Variants in SPTLC1 observed in about 807,000 individuals in gnomAD.
SPTLC1 encodes serine palmitoyltransferase 1.
A neutral mutation model predicts 68.9 loss-of-function variants in SPTLC1; 55 were observed. The ratio of observed to expected loss-of-function variants is 0.80; its 90% confidence interval spans 0.64 to 1.00. The LOEUF (loss-of-function observed/expected upper bound fraction) is 1.00, where lower values mean the gene tolerates loss of function less well. Among genes scored for constraint, SPTLC1 ranks in the 50% least tolerant of loss-of-function variants. The pLI is 0.00. For missense variants in SPTLC1, 449 were observed against 573.1 expected, an observed-to-expected ratio of 0.78 and a Z score of 2.21; for synonymous variants, 197 against 201.6, an observed-to-expected ratio of 0.98 and a Z score of 0.19.
chr9:92,037,099 C>T (rs184734531), intron 13 of SPTLC1, among the ~76,000 whole-genome samples: 7 of 152,138 alleles, frequency 4.6e-5, no homozygotes, highest in East Asian at 3.9e-4. Context: ...TTCCAGATTA[C>T]GTGGCTCAAA....
rs1765013758 is a variant in SPTLC1 at position 92,047,079 on chromosome 9, G to A, written c.1081+93C>T. 3 of 1,109,628 alleles carry A rather than the reference G, an allele frequency of 2.7e-6. No individual in the cohort carries two copies. In the African/African-American group the frequency reaches 4.6e-5, roughly 17 times the overall value. The allele number at this position is 1,109,628 out of a possible 1,614,324, so 68.7% of individuals were successfully genotyped here. ...TATAATGTAACTGCAAACCAGTTTTGTCTGGCAAATAATTTCTCCAGTAAG... is the reference window on the plus strand; with the variant it reads ...TATAATGTAACTGCAAACCAGTTTTATCTGGCAAATAATTTCTCCAGTAAG... On this transcript the variant is annotated intron_variant, in intron 11 of 14. Transcript: ENST00000262554.
chr9:92,084,941 G>T (rs1564106782), intron 3 of SPTLC1, among the ~76,000 whole-genome samples: 1 of 152,200 alleles, frequency 6.6e-6, no homozygotes, highest in Non-Finnish European at 1.5e-5. Context: ...TCTATTCAGA[G>T]ATTCAACTTC....
At chr9:92,072,233 C>T (rs1286198772) in intron 5 of SPTLC1, among the ~76,000 whole-genome samples, 1 of 152,220 alleles carries the variant, frequency 6.6e-6, no homozygotes, top group African/African-American at 2.4e-5. Flanking sequence ...ACCTCAGGAC[C>T]TCAGACCAGC....
chr9:92,034,945 G>A, intron 13 of SPTLC1, 62 bp from the exon 14 acceptor site: 1 of 1,342,610 alleles, frequency 7.4e-7, no homozygotes, highest in Non-Finnish European at 1.1e-6. Context: ...AATTAAACTG[G>A]GGGAACGCTG....
At chr9:92,045,334 A>G (rs1833469950) in intron 12 of SPTLC1, among the ~76,000 whole-genome samples, 1 of 151,550 alleles carries the variant, frequency 6.6e-6, no homozygotes, top group Non-Finnish European at 1.5e-5. Flanking sequence ...GCCTGGAGAT[A>G]TCACCAACCT....
At chr9:92,060,659 C>A (rs1266051721) in intron 6 of SPTLC1, among the ~76,000 whole-genome samples, 1 of 151,610 alleles carries the variant, frequency 6.6e-6, no homozygotes, top group African/African-American at 2.4e-5. Context: ...GTAATCCCAG[C>A]ACTTTGGGAG....
chr9:92,050,081 A>T lies in SPTLC1; in HGVS notation c.781-14T>A, dbSNP rs1403645809. ...TTTTAACTTAACCTAAGTGTTATATAAACGTTAAAATACTAATGATTAGCA... is the reference window on the plus strand; with the variant it reads ...TTTTAACTTAACCTAAGTGTTATATTAACGTTAAAATACTAATGATTAGCA... On this transcript the variant is annotated splice_polypyrimidine_tract_variant and intron_variant, in intron 8 of 14. Coordinates refer to ENST00000262554, the MANE Select transcript of SPTLC1 (RefSeq NM_006415.4). The T allele has an allele frequency of 1.3e-6, 2 of 1,504,206 alleles. No individual in the cohort carries two copies. Among genetic ancestry groups the T allele is most frequent in the Admixed American group, 3.3e-5 (2 of 59,894 alleles). 93.2% of individuals were successfully genotyped at this position (1,504,206 alleles called of 1,614,324 possible).
chr9:92,109,510 C>A (rs1162126825), intron 2 of SPTLC1: 1 of 152,328 alleles, frequency 6.6e-6, no homozygotes, highest in African/African-American at 2.4e-5. Context: ...TACCACAATC[C>A]TCTTAGGAGT....
rs369803886 is a variant in SPTLC1 at position 92,038,334 on chromosome 9, G to A, written c.1168C>T (p.Leu390Phe). The part of the protein sequence containing the change: ...ISGLKVVGES[L>F]SPAFHLQLEE... ...AGTTGTAGGTGAAAGGCTGGAGAAAGGGACTCCCCCACCACTTTTAATCCA... is the reference window on the plus strand; with the variant it reads ...AGTTGTAGGTGAAAGGCTGGAGAAAAGGACTCCCCCACCACTTTTAATCCA... The change falls in exon 13 of 15, where the codon CTT becomes TTT. Residue 390 changes from leucine (L) to phenylalanine (F), a missense_variant. Physicochemically the swap from Leu to Phe is conservative, Grantham distance 22. Transcript: ENST00000262554. 106 of 1,613,844 alleles carry A rather than the reference G, an allele frequency of 6.6e-5. No homozygotes were observed. Among genetic ancestry groups the A allele is most frequent in the Non-Finnish European group, 8.6e-5 (102 of 1,179,852 alleles).
At chr9:92,057,360 A>G (rs1317796133) in intron 7 of SPTLC1, among the ~76,000 whole-genome samples, 1 of 152,230 alleles carries the variant, frequency 6.6e-6, no homozygotes, top group Non-Finnish European at 1.5e-5. Flanking sequence ...CACCACAGGA[A>G]TGGGTCAAAG....
chr9:92,079,801 G>C, intron 5 of SPTLC1: 5 of 651,154 alleles, frequency 7.7e-6, no homozygotes, highest in Non-Finnish European at 1.4e-5. Flanking sequence ...ACACGAGGAT[G>C]AGCCCACCAT....
intron 6 of SPTLC1, 148 bp from the exon 7 acceptor site, chr9:92,059,456 CATT>C (rs1434266581): frequency 1.2e-6 from 1 of 834,584 alleles, no homozygotes; most frequent in Non-Finnish European, 2.0e-6. Flanking sequence ...ATTTATACAT[CATT>C]GTTTGCTCTT....
intron 13 of SPTLC1, 23 bp from the exon 14 acceptor site, chr9:92,034,906 T>A: frequency 6.2e-7 from 1 of 1,600,682 alleles, no homozygotes; most frequent in South Asian, 1.1e-5. Flanking sequence ...AAAGAAGACA[T>A]CTGCAACCTG....
At chr9:92,106,362 T>C (rs1169449828) in intron 3 of SPTLC1, among the ~76,000 whole-genome samples, 1 of 151,214 alleles carries the variant, frequency 6.6e-6, no homozygotes, top group Non-Finnish European at 1.5e-5. Flanking sequence ...TAGTCTCAGC[T>C]ACTCGAGAGG....
chr9:92,082,243 T>C (rs900506650), intron 3 of SPTLC1, among the ~76,000 whole-genome samples: 1 of 152,094 alleles, frequency 6.6e-6, no homozygotes, highest in African/African-American at 2.4e-5. Context: ...TTTTATTTTA[T>C]TTTATTATTA....
At chr9:92,109,370 T>G (rs1406134535) in intron 2 of SPTLC1, 3 of 164,456 alleles carry the variant, frequency 1.8e-5, no homozygotes, top group Admixed American at 1.1e-4. Context: ...CCAACAGCTA[T>G]TCTTCCCCTG....
chr9:92,090,439 T>C (rs1308810251), intron 3 of SPTLC1, among the ~76,000 whole-genome samples: 1 of 152,060 alleles, frequency 6.6e-6, no homozygotes, highest in Non-Finnish European at 1.5e-5. Flanking sequence ...TGAAACCCTG[T>C]CTCTACTAAA....
chr9:92,049,196 C>T (rs963814373), intron 9 of SPTLC1, among the ~76,000 whole-genome samples: 4 of 152,234 alleles, frequency 2.6e-5, no homozygotes, highest in South Asian at 2.1e-4. Flanking sequence ...AGCGGGATGT[C>T]GATAATGTAA....
intron 12 of SPTLC1, among the ~76,000 whole-genome samples, chr9:92,039,949 T>C (rs1833281756): frequency 6.6e-6 from 1 of 152,242 alleles, no homozygotes; most frequent in African/African-American, 2.4e-5. Context: ...CTAGATTAGT[T>C]CTTTACTAAT....
Sources: gnomAD v4.1 joint callset for allele counts (sites outside exome capture counted in the v4.1 genomes callset) on GRCh38, gnomAD v4.1.1 for gene constraint, MANE v1.5 for transcripts, NCBI Gene and HGNC (gene_info 2026-07-23, HGNC 2026-07-21) for gene names.